The following CA5B variants were observed in gnomAD, a reference collection of about 807,000 sequenced individuals.
CA5B encodes carbonic anhydrase 5B.
A neutral mutation model predicts 23.1 loss-of-function variants in CA5B; 15 were observed. The observed-to-expected ratio is 0.65, with a 90% CI of 0.43 to 1.00. CA5B has a LOEUF of 1.00. CA5B is among the 50% of genes least tolerant of loss of function. The probability of loss-of-function intolerance (pLI) is 0.00; values close to 1 mark genes in which losing one functional copy is unlikely to be tolerated. For missense variants in CA5B, 236 were observed against 252.2 expected, an observed-to-expected ratio of 0.94 and a Z score of 0.43; for synonymous variants, 84 against 98.5, an observed-to-expected ratio of 0.85 and a Z score of 0.87.
Position 15,772,564 on chromosome X carries a change from G to C in CA5B, c.409G>C (p.Asp137His). 3 of 1,207,529 alleles carry C rather than the reference G, an allele frequency of 2.5e-6. No homozygotes were observed. The highest frequency in any genetic ancestry group is 2.2e-6 in the Non-Finnish European group (2 of 892,264). Residue 137 changes from aspartate (D) to histidine (H), a missense_variant, in exon 4 of 8, where the codon GAT (aspartate) becomes CAT (histidine). By Grantham distance (81) the Asp-to-His change is moderately conservative. Transcript: ENST00000318636. ...GTTCCATTTTCACTGGGGGGCCATC[G>C]ATGCCTGGGGTTCTGAGCACACCGT... ...KQFHFHWGAI[D>H]AWGSEHTVDS...
intron 2 of CA5B, among the ~76,000 whole-genome samples, chrX:15,755,036 G>A (rs994579125): frequency 1.8e-5 from 2 of 112,412 alleles, no homozygotes; most frequent in African/African-American, 6.5e-5. Context: ...GTGTTTGAAA[G>A]CTTTTCTATT....
chrX:15,787,931 T>C lies in CA5B; in HGVS notation c.*5267T>C, dbSNP rs1569060248. 1 of 112,559 alleles carries C rather than the reference T, an allele frequency of 8.9e-6. No homozygotes were observed. The highest frequency in any genetic ancestry group is 1.9e-5 in the Non-Finnish European group (1 of 53,341). 9.3% of individuals were successfully genotyped at this position (112,559 alleles called of 1,213,427 possible). On this transcript the variant is annotated 3_prime_UTR_variant, in exon 8 of 8. Coordinates refer to ENST00000318636, the MANE Select transcript of CA5B (RefSeq NM_007220.4). ...ATTTCTTAGAAGGAATTGTTACTTA[T>C]TGTTCTGAAGTGAAAGTCTGGTCTG...
chrX:15,773,188 C>T (rs893043987), intron 4 of CA5B, among the ~76,000 whole-genome samples: 5 of 110,702 alleles, frequency 4.5e-5, no homozygotes, highest in African/African-American at 1.6e-4. Flanking sequence ...CAACTTTTTT[C>T]CTAATTCAAT....
intron 1 of CA5B, among the ~76,000 whole-genome samples, chrX:15,746,444 C>T (rs1931235627): frequency 9.0e-6 from 1 of 111,044 alleles, no homozygotes; most frequent in African/African-American, 3.3e-5. Context: ...TTAATCTTAA[C>T]CATTTCAGTT....
intron 6 of CA5B, chrX:15,775,811 C>T: frequency 1.4e-6 from 1 of 740,457 alleles, no homozygotes; most frequent in Non-Finnish European, 1.6e-6. Flanking sequence ...TTCTCCCTCT[C>T]ATCCCCCACT....
chrX:15,761,736 C>T (rs1169721033), intron 2 of CA5B, among the ~76,000 whole-genome samples: 1 of 110,934 alleles, frequency 9.0e-6, no homozygotes, highest in Admixed American at 9.6e-5. Flanking sequence ...GGAGCCCATC[C>T]AGGGCATTAT....
At position 15,776,770 on chromosome X, in the gene CA5B, A is replaced by C; in HGVS notation, c.675A>C (p.Pro225=). 1.7e-6 allele frequency: 2 copies of C among 1,207,400 alleles called. No individual in the cohort carries two copies. Among genetic ancestry groups the C allele is most frequent in the Non-Finnish European group, 2.2e-6 (2 of 891,341 alleles). ...CTTCCTGCCTGATGCCTACCTGCCC[A>C]GATTACTGGACCTACTCAGGGTCTC... ...FDPSCLMPTC[P]DYWTYSGSLT... Residue 225 remains proline (P), a synonymous_variant, in exon 7 of 8, where the codon CCA becomes CCC. Transcript: ENST00000318636.
chrX:15,764,968 T>C, intron 3 of CA5B, 193 bp downstream of exon 3: 1 of 554,034 alleles, frequency 1.8e-6, no homozygotes, highest in South Asian at 3.4e-5. Flanking sequence ...TCAACTAGTA[T>C]AGGTAGTATT....
chrX:15,740,244 A>G (rs1399898253), intron 1 of CA5B, among the ~76,000 whole-genome samples: 1 of 112,332 alleles, frequency 8.9e-6, no homozygotes, highest in Non-Finnish European at 1.9e-5. Context: ...CTTTATGGAC[A>G]AACTTATGTA....
Position 15,784,418 on chromosome X carries a change from A to C in CA5B, c.*1754A>C, listed in dbSNP as rs941073182. 2 of 112,022 alleles carry C rather than the reference A, an allele frequency of 1.8e-5. No homozygotes were observed. The highest frequency in any genetic ancestry group is 6.5e-5 in the African/African-American group (2 of 30,841). 9.2% of individuals were successfully genotyped at this position (112,022 alleles called of 1,213,427 possible). ...CTCAGTTTATACAGTGGTTTAAAAGACTTTTGTTATGGTAATAGGGAGAGA... is the reference window on the plus strand; with the variant it reads ...CTCAGTTTATACAGTGGTTTAAAAGCCTTTTGTTATGGTAATAGGGAGAGA... On this transcript the variant is annotated 3_prime_UTR_variant, in exon 8 of 8. Transcript: ENST00000318636.
At chrX:15,769,181 AC>A (rs1931771074) in intron 3 of CA5B, among the ~76,000 whole-genome samples, 1 of 111,917 alleles carries the variant, frequency 8.9e-6, no homozygotes, top group African/African-American at 3.2e-5. Context: ...AAGTTCACAA[AC>A]TTTTAATTGG....
At chrX:15,780,494 G>A (rs748554613) in intron 7 of CA5B, among the ~76,000 whole-genome samples, 2 of 110,774 alleles carry the variant, frequency 1.8e-5, no homozygotes, top group East Asian at 5.6e-4. Context: ...GGCTGGTCTC[G>A]AACTCCTGAC....
intron 7 of CA5B, among the ~76,000 whole-genome samples, chrX:15,780,817 G>C (rs181404304): frequency 7.0e-4 from 78 of 111,962 alleles, no homozygotes; most frequent in African/African-American, 2.5e-3. Context: ...TCGTAGTTCT[G>C]CCTCTTCAGC....
intron 3 of CA5B, among the ~76,000 whole-genome samples, chrX:15,771,292 G>A (rs936684253): frequency 1.9e-5 from 2 of 104,602 alleles, no homozygotes; most frequent in African/African-American, 6.9e-5. Context: ...GATGGCTTGA[G>A]CCCAGGAGGC....
chrX:15,750,895 G>C (rs1931343589), intron 2 of CA5B, among the ~76,000 whole-genome samples: 1 of 111,698 alleles, frequency 9.0e-6, no homozygotes, highest in Non-Finnish European at 1.9e-5. Context: ...GTTGTAGGGG[G>C]TTGTCCTGTG....
intron 7 of CA5B, among the ~76,000 whole-genome samples, chrX:15,781,004 G>C (rs1273385863): frequency 9.3e-6 from 1 of 107,964 alleles, no homozygotes; most frequent in Non-Finnish European, 1.9e-5. Context: ...TTGACATGGA[G>C]TTTCACTCTC....
At chrX:15,758,390 G>A (rs1436977463) in intron 2 of CA5B, among the ~76,000 whole-genome samples, 2 of 112,425 alleles carry the variant, frequency 1.8e-5, no homozygotes, top group Non-Finnish European at 3.8e-5. Context: ...TATTAATCCC[G>A]TTCATGAGAG....
At chrX:15,757,248 C>A (rs985083773) in intron 2 of CA5B, among the ~76,000 whole-genome samples, 1 of 105,331 alleles carries the variant, frequency 9.5e-6, no homozygotes, top group Non-Finnish European at 2.0e-5. Context: ...CGGTGGCTCA[C>A]GCCTGTAATC....
intron 3 of CA5B, among the ~76,000 whole-genome samples, chrX:15,771,243 C>T (rs1165204144): frequency 1.7e-4 from 17 of 100,717 alleles, no homozygotes; most frequent in Admixed American, 1.3e-3. Context: ...TGGTGATGCA[C>T]GTCTGTAGTC....
Sources: allele counts gnomAD v4.1 joint callset (sites outside exome capture counted in the v4.1 genomes callset), GRCh38; gene constraint gnomAD v4.1.1; transcripts MANE v1.5; gene names NCBI Gene and HGNC (gene_info 2026-07-23, HGNC 2026-07-21).